DCC: variants seen among roughly 807,000 people sequenced by gnomAD.
The protein encoded by DCC is DCC netrin 1 receptor, also known as netrin receptor DCC.
Under a neutral mutation model 172.5 loss-of-function variants are expected in DCC, and 58 were observed. The ratio of observed to expected loss-of-function variants is 0.34; its 90% CI spans 0.27 to 0.42. DCC has a LOEUF of 0.42. Among genes scored for constraint, DCC ranks in the 10% least tolerant of loss-of-function variants. DCC has a pLI of 1.00. For missense variants in DCC, 1,740 were observed against 1,791.0 expected (o/e 0.97, Z 0.51); for synonymous variants, 709 against 644.5 (o/e 1.10, Z -1.52).
chr18:52,688,907 T>A (rs1408749723), intron 1 of DCC, among the ~76,000 whole-genome samples: 1 of 152,140 alleles, frequency 6.6e-6, no homozygotes, highest in Non-Finnish European at 1.5e-5. Context: ...AGTAACTTAT[T>A]AATATTACCC....
chr18:52,963,240 T>A (rs2145572605), intron 5 of DCC, among the ~76,000 whole-genome samples: 1 of 151,928 alleles, frequency 6.6e-6, no homozygotes, highest in African/African-American at 2.4e-5. Flanking sequence ...TATCTAAAGA[T>A]CTTTAAGTAT....
chr18:52,568,581 C>G lies in DCC; in HGVS notation c.92-183473C>G, dbSNP rs150515245. On this transcript the variant is annotated intron_variant, in intron 1 of 28. Transcript: ENST00000442544. ...TATTTCTTCAAAAAAATAATTGATA[C>G]TTCAGGATTCTAATAAATATTATTT... Among the ~76,000 whole-genome samples the G allele has an allele frequency of 2.6e-4, 39 of 152,048 alleles. No individual in the cohort carries two copies. In the East Asian group the frequency reaches 7.0e-3, roughly 27 times the overall value.
chr18:53,232,828 A>G (rs1274591131), intron 12 of DCC, among the ~76,000 whole-genome samples: 1 of 151,926 alleles, frequency 6.6e-6, no homozygotes, highest in Non-Finnish European at 1.5e-5. Flanking sequence ...AAACTTCAAA[A>G]CCATCCTATA....
At chr18:53,381,560 A>AC (rs747015453) in intron 15 of DCC, among the ~76,000 whole-genome samples, 252 of 93,440 alleles carry the variant, frequency 2.7e-3, no homozygotes, top group African/African-American at 3.0e-3. Context: ...TTTACCCCCC[A>AC]CCCCCCCCCC....
chr18:53,026,532 T>G (rs550689534), intron 5 of DCC, among the ~76,000 whole-genome samples: 102 of 152,276 alleles, frequency 6.7e-4, no homozygotes, highest in African/African-American at 2.3e-3. Context: ...TCCTCATTAC[T>G]TGCTACCACA....
At chr18:52,379,230 T>C (rs866856810) in intron 1 of DCC, among the ~76,000 whole-genome samples, 2 of 151,578 alleles carry the variant, frequency 1.3e-5, no homozygotes, top group Non-Finnish European at 2.9e-5. Flanking sequence ...ATGATGACCT[T>C]GCTACAAAAG....
intron 7 of DCC, among the ~76,000 whole-genome samples, chr18:53,116,128 G>T (rs889669579): frequency 6.6e-6 from 1 of 151,648 alleles, no homozygotes; most frequent in Non-Finnish European, 1.5e-5. Flanking sequence ...TGCAACACAT[G>T]ATGTTAATGG....
intron 12 of DCC, among the ~76,000 whole-genome samples, chr18:53,268,361 G>A (rs2056706611): frequency 6.6e-6 from 1 of 152,076 alleles, no homozygotes; most frequent in Admixed American, 6.6e-5. Flanking sequence ...TAGATTTGGG[G>A]AGGAAGGAAA....
chr18:52,490,769 G>A (rs73448698), intron 1 of DCC, among the ~76,000 whole-genome samples: 1 of 151,984 alleles, frequency 6.6e-6, no homozygotes, highest in African/African-American at 2.4e-5. Flanking sequence ...TTGTTTTGGG[G>A]TATTAGGGAC....
intron 8 of DCC, among the ~76,000 whole-genome samples, chr18:53,164,536 TG>T (rs1392935019): frequency 6.6e-6 from 1 of 152,206 alleles, no homozygotes; most frequent in Non-Finnish European, 1.5e-5. Flanking sequence ...TTGAACCACC[TG>T]GGTTCAAATC....
intron 27 of DCC, among the ~76,000 whole-genome samples, chr18:53,520,179 A>G (rs937379708): frequency 6.6e-6 from 1 of 152,146 alleles, no homozygotes; most frequent in Non-Finnish European, 1.5e-5. Flanking sequence ...AATCTAGGAA[A>G]GCTTCATGTG....
intron 12 of DCC, among the ~76,000 whole-genome samples, chr18:53,304,320 A>T (rs1485030432): frequency 6.6e-6 from 1 of 152,038 alleles, no homozygotes; most frequent in East Asian, 1.9e-4. Context: ...TGTCCATATC[A>T]GTAGGAGCCT....
At chr18:52,594,551 A>G (rs1344538026) in intron 1 of DCC, among the ~76,000 whole-genome samples, 1 of 152,082 alleles carries the variant, frequency 6.6e-6, no homozygotes, top group African/African-American at 2.4e-5. Flanking sequence ...AACAACCTAT[A>G]TTACATGTGT....
intron 7 of DCC, among the ~76,000 whole-genome samples, chr18:53,156,263 T>C (rs939505038): frequency 3.3e-5 from 5 of 152,176 alleles, no homozygotes; most frequent in African/African-American, 4.8e-5. Context: ...GGTGGGTGGA[T>C]CACTTGAGGT....
intron 1 of DCC, among the ~76,000 whole-genome samples, chr18:52,663,745 G>A (rs2035407903): frequency 6.6e-6 from 1 of 152,112 alleles, no homozygotes; most frequent in Non-Finnish European, 1.5e-5. Context: ...GCTTTCCATA[G>A]TAGAAAGTCA....
intron 5 of DCC, among the ~76,000 whole-genome samples, chr18:53,059,895 G>A (rs1367785793): frequency 6.6e-6 from 1 of 152,056 alleles, no homozygotes; most frequent in Admixed American, 6.6e-5. Flanking sequence ...CATTGTACTA[G>A]GCATTGAGAT....
chr18:52,820,565 A>G (rs1337579620), intron 2 of DCC, among the ~76,000 whole-genome samples: 3 of 152,168 alleles, frequency 2.0e-5, no homozygotes, highest in Non-Finnish European at 2.9e-5. Flanking sequence ...AATTTAGCCC[A>G]TTCAGATAGG....
At chr18:53,110,657 A>G (rs573219366) in intron 7 of DCC, among the ~76,000 whole-genome samples, 47 of 149,432 alleles carry the variant, frequency 3.1e-4, no homozygotes, top group African/African-American at 1.1e-3. Flanking sequence ...AATGCTCACC[A>G]TCACTGGCCA....
At chr18:52,379,688 G>A (rs1985503917) in intron 1 of DCC, among the ~76,000 whole-genome samples, 1 of 152,042 alleles carries the variant, frequency 6.6e-6, no homozygotes, top group African/African-American at 2.4e-5. Context: ...ACCAAAAGTT[G>A]AGAGTTATTT....
Sources: allele counts gnomAD v4.1 joint callset (sites outside exome capture counted in the v4.1 genomes callset), GRCh38; gene constraint gnomAD v4.1.1; transcripts MANE v1.5; gene names NCBI Gene and HGNC (gene_info 2026-07-23, HGNC 2026-07-21).